The following IGSF10 variants were observed in gnomAD, a reference collection of about 807,000 sequenced individuals.
IGSF10 encodes the protein immunoglobulin superfamily member 10, also known as calvaria mechanical force protein 608.
In IGSF10, 126 loss-of-function variants were observed where a neutral mutation model predicts 128.2. The observed-to-expected ratio is 0.98, with a 90% CI of 0.85 to 1.14. The LOEUF is 1.14. IGSF10 is among the 50% of genes most tolerant of loss of function. The pLI, the probability that IGSF10 is intolerant of heterozygous loss-of-function variation, is 0.00. For synonymous variants in IGSF10, 1,185 were observed against 1,146.2 expected, an observed-to-expected ratio of 1.03 and a Z score of -0.68; for missense variants, 3,295 against 3,149.8, an observed-to-expected ratio of 1.05 and a Z score of -1.10.
the IGSF10 span, among the ~76,000 whole-genome samples, chr3:151,523,049 A>T: frequency 6.6e-6 from 1 of 152,152 alleles, no homozygotes; most frequent in African/African-American, 2.4e-5. Flanking sequence ...CAAATCAGAA[A>T]GGCAATCCCA....
chr3:151,609,489 C>T, the IGSF10 span, among the ~76,000 whole-genome samples: 302 of 151,972 alleles, frequency 2.0e-3, no homozygotes, highest in Admixed American at 2.8e-3. Flanking sequence ...ATTCCCATTA[C>T]TCAGTATATA....
At chr3:151,571,969 T>C in the IGSF10 span, among the ~76,000 whole-genome samples, 1,075 of 152,324 alleles carry the variant, frequency 7.1e-3, 8 homozygotes, top group Middle Eastern at 0.02. Flanking sequence ...CTGCATCTAT[T>C]GAGATAATCA....
chr3:151,480,659 G>A, the IGSF10 span, among the ~76,000 whole-genome samples: 1 of 151,840 alleles, frequency 6.6e-6, no homozygotes, highest in Non-Finnish European at 1.5e-5. Context: ...CCACCCAGTA[G>A]TGCACCACCC....
the IGSF10 span, among the ~76,000 whole-genome samples, chr3:151,615,586 C>T: frequency 6.6e-6 from 1 of 151,974 alleles, no homozygotes; most frequent in Non-Finnish European, 1.5e-5. Context: ...TTAATGAGAA[C>T]CTAACAGTGC....
chr3:151,479,945 AG>A, the IGSF10 span, among the ~76,000 whole-genome samples: 1 of 151,374 alleles, frequency 6.6e-6, no homozygotes, highest in South Asian at 2.1e-4. Flanking sequence ...AATCTAACGA[AG>A]AAAAAAAAAA....
chr3:151,604,045 A>G, the IGSF10 span, among the ~76,000 whole-genome samples: 308 of 152,356 alleles, frequency 2.0e-3, no homozygotes, highest in African/African-American at 7.1e-3. Context: ...TATTTGTTAC[A>G]TAATTAGTCA....
chr3:151,468,043 C>T, the IGSF10 span, among the ~76,000 whole-genome samples: 1 of 152,148 alleles, frequency 6.6e-6, no homozygotes, highest in Non-Finnish European at 1.5e-5. Context: ...ACAGAACTCG[C>T]TTAGAGACAT....
the IGSF10 span, among the ~76,000 whole-genome samples, chr3:151,618,852 A>G: frequency 6.6e-6 from 1 of 151,212 alleles, no homozygotes; most frequent in Non-Finnish European, 1.5e-5. Context: ...CCAGGAGGCA[A>G]GTACAAGAGC....
the IGSF10 span, among the ~76,000 whole-genome samples, chr3:151,611,301 T>A: frequency 6.6e-6 from 1 of 152,204 alleles, no homozygotes; most frequent in African/African-American, 2.4e-5. Context: ...ACTCACCAAA[T>A]GTTTATTTTC....
the IGSF10 span, among the ~76,000 whole-genome samples, chr3:151,534,293 C>T: frequency 6.6e-6 from 1 of 152,158 alleles, no homozygotes; most frequent in Admixed American, 6.5e-5. Context: ...ACCCAGCAAT[C>T]CCATTACTGG....
chr3:151,588,853 A>G, the IGSF10 span, among the ~76,000 whole-genome samples: 1 of 152,226 alleles, frequency 6.6e-6, no homozygotes, highest in Admixed American at 6.5e-5. Context: ...GTAAGAGAAT[A>G]GGGAGTGCCA....
downstream of IGSF10, chr3:151,433,957 T>G (rs1282574355): frequency 6.6e-6 from 1 of 152,650 alleles, no homozygotes. Flanking sequence ...TGTTCAAGTA[T>G]GTGGTAATTT....
the IGSF10 span, among the ~76,000 whole-genome samples, chr3:151,592,578 T>A: frequency 5.9e-5 from 9 of 152,152 alleles, no homozygotes; most frequent in Non-Finnish European, 5.9e-5. Flanking sequence ...CAGCAGGCAG[T>A]ATGCAGGTCT....
At chr3:151,538,617 G>GT in the IGSF10 span, among the ~76,000 whole-genome samples, 6 of 152,094 alleles carry the variant, frequency 3.9e-5, no homozygotes, top group African/African-American at 1.4e-4. Flanking sequence ...CTTTGATGCT[G>GT]TTTTTCCATT....
chr3:151,604,440 A>T, the IGSF10 span, among the ~76,000 whole-genome samples: 1 of 152,092 alleles, frequency 6.6e-6, no homozygotes, highest in African/African-American at 2.4e-5. Flanking sequence ...TTTAAAAATA[A>T]GCATCATAAT....
At chr3:151,492,464 T>TA in the IGSF10 span, among the ~76,000 whole-genome samples, 1 of 151,508 alleles carries the variant, frequency 6.6e-6, no homozygotes, top group African/African-American at 2.4e-5. Flanking sequence ...CTGAAAATAT[T>TA]AAAATTGGAA....
At chr3:151,442,179 A>G (rs1253325101) in intron 7 of IGSF10, among the ~76,000 whole-genome samples, 2 of 152,180 alleles carry the variant, frequency 1.3e-5, no homozygotes, top group Non-Finnish European at 2.9e-5. Context: ...TGGAGGTCTT[A>G]ATATTGTGAC....
chr3:151,531,027 G>A, the IGSF10 span, among the ~76,000 whole-genome samples: 1 of 152,086 alleles, frequency 6.6e-6, no homozygotes, highest in African/African-American at 2.4e-5. Flanking sequence ...AAAAAAGGCA[G>A]GGGTTGCAAT....
the IGSF10 span, among the ~76,000 whole-genome samples, chr3:151,568,414 T>A: frequency 6.6e-6 from 1 of 152,178 alleles, no homozygotes; most frequent in Non-Finnish European, 1.5e-5. Context: ...GGTATTACAA[T>A]TCTCTTGTTA....
Sources: gnomAD v4.1 joint callset for allele counts (sites outside exome capture counted in the v4.1 genomes callset) on GRCh38, gnomAD v4.1.1 for gene constraint, MANE v1.5 for transcripts, NCBI Gene and HGNC (gene_info 2026-07-23, HGNC 2026-07-21) for gene names.